AGPS: variants seen among roughly 807,000 people sequenced by gnomAD.
AGPS encodes the protein alkylglycerone phosphate synthase.
Under a neutral mutation model 90.7 loss-of-function variants are expected in AGPS, and 26 were observed. The ratio of observed to expected loss-of-function variants is 0.29; its 90% CI spans 0.21 to 0.40. The LOEUF (loss-of-function observed/expected upper bound fraction) is 0.40, where lower values mean the gene tolerates loss of function less well. Among genes scored for constraint, AGPS ranks in the 10% least tolerant of loss-of-function variants. AGPS has a pLI of 1.00. For synonymous variants in AGPS, 294 were observed against 285.3 expected (o/e 1.03, Z -0.31); for missense variants, 540 against 816.1 (o/e 0.66, Z 4.12).
chr2:177,409,698 GT>G (rs1685565283), intron 1 of AGPS, among the ~76,000 whole-genome samples: 1 of 152,094 alleles, frequency 6.6e-6, no homozygotes, highest in African/African-American at 2.4e-5. Flanking sequence ...CTTGGGAGGG[GT>G]GCCTTCGATC....
chr2:177,410,926 G>A (rs1016608894), intron 1 of AGPS, among the ~76,000 whole-genome samples: 1 of 152,120 alleles, frequency 6.6e-6, no homozygotes, highest in Non-Finnish European at 1.5e-5. Flanking sequence ...TGGACGAGGG[G>A]GTAGCTTATT....
intron 1 of AGPS, among the ~76,000 whole-genome samples, chr2:177,395,105 T>C (rs1369444349): frequency 1.3e-5 from 2 of 152,244 alleles, no homozygotes; most frequent in South Asian, 4.1e-4. Context: ...TTCTAAATGG[T>C]TTCATGTACA....
At chr2:177,462,999 C>T (rs1453370) in intron 9 of AGPS, among the ~76,000 whole-genome samples, 107,297 of 152,026 alleles carry the variant, frequency 0.71, 38,244 homozygotes, top group Admixed American at 0.78. Flanking sequence ...GTTTTTGCTA[C>T]TCTGTTTCCT....
intron 10 of AGPS, among the ~76,000 whole-genome samples, chr2:177,479,887 A>G (rs1023370449): frequency 3.3e-5 from 5 of 152,218 alleles, no homozygotes; most frequent in African/African-American, 9.6e-5. Context: ...AACGCAAAAC[A>G]TTGTATTTTG....
intron 12 of AGPS, among the ~76,000 whole-genome samples, chr2:177,494,941 A>G (rs1457097600): frequency 1.3e-5 from 2 of 152,208 alleles, no homozygotes; most frequent in African/African-American, 4.8e-5. Context: ...AAGGTGCCCC[A>G]GACCCTGCAC....
intron 8 of AGPS, 52 bp from the exon 9 acceptor site, chr2:177,461,841 T>C (rs1166877244): frequency 3.3e-5 from 51 of 1,563,032 alleles, no homozygotes; most frequent in Non-Finnish European, 4.5e-5. Flanking sequence ...TGTTGAGTGC[T>C]GTACGTAATG....
rs1449288949 is a variant in AGPS at position 177,503,023 on chromosome 2, ATTTG to A, written c.1476-2479_1476-2476del. ...ATTATTCATCTATCCCTTTTTTTTT[ATTTG>A]TTTATGAAACTCTCTACTGCCTTAT... On this transcript the variant is annotated intron_variant, in intron 14 of 19. Transcript: ENST00000264167. Among the ~76,000 whole-genome samples the A allele has an allele frequency of 1.3e-4, 20 of 150,628 alleles. No individual in the cohort carries two copies. The East Asian group carries it at 3.7e-3, about 28-fold the overall frequency.
chr2:177,508,287 T>G (rs192475123), intron 16 of AGPS, among the ~76,000 whole-genome samples: 1 of 152,178 alleles, frequency 6.6e-6, no homozygotes, highest in African/African-American at 2.4e-5. Context: ...TTTTGAAGAA[T>G]GTTATTGAAT....
intron 13 of AGPS, among the ~76,000 whole-genome samples, chr2:177,498,949 T>C (rs755096629): frequency 2.6e-5 from 4 of 151,862 alleles, no homozygotes; most frequent in African/African-American, 4.8e-5. Context: ...TCACCTATTA[T>C]TCTAGAAAAA....
intron 17 of AGPS, among the ~76,000 whole-genome samples, chr2:177,520,421 C>G (rs1689146861): frequency 6.6e-6 from 1 of 152,216 alleles, no homozygotes. Context: ...CTATGCATTT[C>G]ATGTTCCTAT....
chr2:177,519,936 A>G (rs1159143297), intron 17 of AGPS, among the ~76,000 whole-genome samples: 1 of 152,248 alleles, frequency 6.6e-6, no homozygotes, highest in Non-Finnish European at 1.5e-5. Flanking sequence ...TTTCTTGATG[A>G]TAAGCTAAAC....
intron 3 of AGPS, among the ~76,000 whole-genome samples, chr2:177,435,224 A>G (rs925085019): frequency 4.6e-5 from 7 of 152,014 alleles, no homozygotes; most frequent in Non-Finnish European, 7.4e-5. Flanking sequence ...ACTGTATCCA[A>G]CTTGTTGTTA....
At chr2:177,406,239 G>A (rs1685464302) in intron 1 of AGPS, among the ~76,000 whole-genome samples, 1 of 152,150 alleles carries the variant, frequency 6.6e-6, no homozygotes, top group African/African-American at 2.4e-5. Context: ...GCCTTTAAAT[G>A]ATTCTTCATT....
At chr2:177,440,932 C>G in intron 5 of AGPS, 33 bp from the exon 6 acceptor site, 1 of 1,566,768 alleles carries the variant, frequency 6.4e-7, no homozygotes, top group Non-Finnish European at 8.8e-7. Context: ...ATTTATGCCT[C>G]TGTAATTAAT....
intron 5 of AGPS, among the ~76,000 whole-genome samples, chr2:177,440,692 A>C (rs1196307613): frequency 1.3e-5 from 2 of 152,120 alleles, no homozygotes; most frequent in African/African-American, 4.8e-5. Flanking sequence ...TTGGTTTTGA[A>C]ATTGGACTGT....
At chr2:177,521,607 GATTAA>G (rs770626325) in intron 18 of AGPS, among the ~76,000 whole-genome samples, 43 of 152,254 alleles carry the variant, frequency 2.8e-4, no homozygotes, top group Non-Finnish European at 5.0e-4. Context: ...CATAATAGCT[GATTAA>G]ATTAAATAAC....
chr2:177,482,170 G>T lies in AGPS; in HGVS notation c.1217G>T (p.Arg406Ile). The change falls in exon 11 of 20, where the codon AGA (arginine) becomes ATA (isoleucine). Residue 406 changes from arginine to isoleucine, a missense_variant. Coordinates refer to ENST00000264167, the MANE Select transcript of AGPS (RefSeq NM_003659.4). ...TTTGAACAAGGAGTAGCCTGTTTAA[G>T]AGAAATTGCAAAACAGGTAAAAGAA... ...PNFEQGVACLREIAKQRCAPA... is the reference protein window; with the variant it reads ...PNFEQGVACLIEIAKQRCAPA... 1.3e-6 allele frequency: 2 copies of T among 1,591,552 alleles called. No individual in the cohort carries two copies. The highest frequency in any genetic ancestry group is 2.3e-5 in the South Asian group (2 of 88,862).
At chr2:177,459,931 A>G (rs1298498994) in intron 8 of AGPS, among the ~76,000 whole-genome samples, 1 of 152,246 alleles carries the variant, frequency 6.6e-6, no homozygotes, top group Non-Finnish European at 1.5e-5. Context: ...TCCATCAATG[A>G]TAGACTGGAT....
chr2:177,476,949 G>T (rs1395882464), intron 10 of AGPS, among the ~76,000 whole-genome samples: 3 of 151,956 alleles, frequency 2.0e-5, no homozygotes, highest in African/African-American at 7.2e-5. Flanking sequence ...TGTTTCGTAT[G>T]ATATTAGTAT....
Sources: gnomAD v4.1 joint callset for allele counts (sites outside exome capture counted in the v4.1 genomes callset) on GRCh38, gnomAD v4.1.1 for gene constraint, MANE v1.5 for transcripts, NCBI Gene and HGNC (gene_info 2026-07-23, HGNC 2026-07-21) for gene names.